Variants in DLG2 observed in about 807,000 individuals in gnomAD.
DLG2 encodes the protein discs large MAGUK scaffold protein 2.
DLG2 carries 45 observed loss-of-function variants against 132.5 expected under a neutral mutation model. That is an observed-to-expected ratio of 0.34 (90% CI 0.27 to 0.44). The LOEUF is 0.44. DLG2 is among the 20% of genes least tolerant of loss of function. The probability of loss-of-function intolerance (pLI) is 1.00; values close to 1 mark genes in which losing one functional copy is unlikely to be tolerated. For synonymous variants in DLG2, 424 were observed against 419.6 expected (o/e 1.01, Z -0.13); for missense variants, 1,045 against 1,196.9 (o/e 0.87, Z 1.87).
chr11:83,842,523 CAAAA>C (rs771360645), intron 16 of DLG2, among the ~76,000 whole-genome samples: 68 of 70,282 alleles, frequency 9.7e-4, no homozygotes, highest in Middle Eastern at 0.013. Context: ...GAACCTGTCT[CAAAA>C]AAAAAAAAAA....
intron 7 of DLG2, among the ~76,000 whole-genome samples, chr11:84,506,610 A>C (rs2099242113): frequency 6.6e-6 from 1 of 152,134 alleles, no homozygotes; most frequent in African/African-American, 2.4e-5. Flanking sequence ...AGATACCTTG[A>C]TTTTAGTCCA....
chr11:84,388,889 T>A (rs765980801), intron 7 of DLG2, among the ~76,000 whole-genome samples: 2 of 152,152 alleles, frequency 1.3e-5, no homozygotes, highest in Non-Finnish European at 2.9e-5. Flanking sequence ...ACATTGAAAT[T>A]CTTGGATGTC....
chr11:83,855,496 A>G (rs1169906418), intron 16 of DLG2, among the ~76,000 whole-genome samples: 1 of 152,224 alleles, frequency 6.6e-6, no homozygotes, highest in Non-Finnish European at 1.5e-5. Context: ...CATCACCAAA[A>G]AGAAATGAAC....
At chr11:84,850,973 T>G (rs188922661) in intron 6 of DLG2, among the ~76,000 whole-genome samples, 1 of 152,148 alleles carries the variant, frequency 6.6e-6, no homozygotes, top group Non-Finnish European at 1.5e-5. Context: ...TTCAAACTAA[T>G]CTACAAATTT....
chr11:85,105,124 T>G (rs1417593671), intron 6 of DLG2, among the ~76,000 whole-genome samples: 4 of 151,928 alleles, frequency 2.6e-5, no homozygotes, highest in Non-Finnish European at 5.9e-5. Context: ...CATCCTCCAT[T>G]TCTTTGCTCA....
rs573121592 is a variant in DLG2, at chr11:85,345,573, G to C, written c.41-60208C>G. Among the ~76,000 whole-genome samples the C allele has an allele frequency of 3.3e-5, 5 of 152,172 alleles. No individual in the cohort carries two copies. The South Asian group carries it at 1.0e-3, about 32-fold the overall frequency. On this transcript the variant is annotated intron_variant, in intron 3 of 27. Transcript: ENST00000376104. ...AGAAATGGAACCAGGATTCAAATTA[G>C]GTCTGTCTGGAAAGTCCATTATCCT...
intron 17 of DLG2, chr11:83,791,110 T>C (rs748775438): frequency 6.0e-6 from 4 of 671,546 alleles, no homozygotes; most frequent in Non-Finnish European, 1.1e-5. Flanking sequence ...TGGCCTTGAC[T>C]CTCACCTCCA....
At chr11:84,114,827 A>ATTT (rs11376031) in intron 9 of DLG2, among the ~76,000 whole-genome samples, 6 of 140,300 alleles carry the variant, frequency 4.3e-5, no homozygotes, top group South Asian at 2.3e-4. Context: ...AAGCCTGGCT[A>ATTT]TTTTTTTTTT....
At chr11:85,438,530 A>G (rs1462747197) in intron 3 of DLG2, among the ~76,000 whole-genome samples, 3 of 152,184 alleles carry the variant, frequency 2.0e-5, no homozygotes, top group Non-Finnish European at 4.4e-5. Flanking sequence ...CCAACCTATA[A>G]TATACAGAGA....
intron 6 of DLG2, among the ~76,000 whole-genome samples, chr11:84,722,902 G>C (rs1249931972): frequency 1.3e-5 from 2 of 152,098 alleles, no homozygotes; most frequent in African/African-American, 2.4e-5. Context: ...GGACTCAGGA[G>C]GTCTAATCTA....
At chr11:85,393,629 A>ATGTGTGTGTG (rs35765389) in intron 3 of DLG2, among the ~76,000 whole-genome samples, 94 of 143,816 alleles carry the variant, frequency 6.5e-4, no homozygotes, top group African/African-American at 2.2e-3. Context: ...TGGTATGCAT[A>ATGTGTGTGTG]TGTGTGTGTG....
chr11:85,247,110 C>T (rs1000297085), intron 4 of DLG2, among the ~76,000 whole-genome samples: 7 of 152,138 alleles, frequency 4.6e-5, no homozygotes, highest in Admixed American at 1.3e-4. Context: ...AGGAGTATTA[C>T]GTTGATCATA....
chr11:84,796,006 C>T (rs2074550201), intron 6 of DLG2, among the ~76,000 whole-genome samples: 1 of 152,216 alleles, frequency 6.6e-6, no homozygotes, highest in Admixed American at 6.5e-5. Context: ...CTGTGCCTGG[C>T]TCAACCTGGC....
At chr11:84,625,977 T>C (rs375491558) in intron 6 of DLG2, among the ~76,000 whole-genome samples, 1 of 152,234 alleles carries the variant, frequency 6.6e-6, no homozygotes, top group Non-Finnish European at 1.5e-5. Flanking sequence ...GCATAGAATG[T>C]ATTTTTCTTT....
intron 6 of DLG2, among the ~76,000 whole-genome samples, chr11:84,928,848 T>A (rs1360204373): frequency 6.6e-6 from 1 of 150,938 alleles, no homozygotes; most frequent in Non-Finnish European, 1.5e-5. Flanking sequence ...TACCTGGAAG[T>A]GTATAAAATA....
Position 84,237,065 on chromosome 11 carries a change from A to G in DLG2, c.573+14173T>C, listed in dbSNP as rs2097168051. On this transcript the variant is annotated intron_variant, in intron 8 of 27. Transcript: ENST00000376104. ...TGCCTCAGCCTCCTGAGTAGCTGAGACTACAGGCGCGTGCCACCACCCCCG... is the reference window on the plus strand; with the variant it reads ...TGCCTCAGCCTCCTGAGTAGCTGAGGCTACAGGCGCGTGCCACCACCCCCG... Among the ~76,000 whole-genome samples the G allele has an allele frequency of 2.6e-5, 4 of 152,012 alleles. 1 individual carries two copies. The South Asian group carries it at 8.3e-4, about 32-fold the overall frequency.
intron 6 of DLG2, among the ~76,000 whole-genome samples, chr11:84,543,281 A>G (rs2099382468): frequency 6.6e-6 from 1 of 152,010 alleles, no homozygotes; most frequent in Non-Finnish European, 1.5e-5. Context: ...CAGATAGGAG[A>G]AAAATGGGAG....
chr11:83,697,598 T>C (rs1221828076), intron 18 of DLG2, among the ~76,000 whole-genome samples: 1 of 152,194 alleles, frequency 6.6e-6, no homozygotes, highest in African/African-American at 2.4e-5. Context: ...GATCTGTTTC[T>C]AAACATGTAA....
At chr11:84,668,262 G>C (rs1331161449) in intron 6 of DLG2, among the ~76,000 whole-genome samples, 1 of 152,020 alleles carries the variant, frequency 6.6e-6, no homozygotes, top group Non-Finnish European at 1.5e-5. Flanking sequence ...CTACATTCTA[G>C]GGTGACTCTA....
Sources: allele counts gnomAD v4.1 joint callset (sites outside exome capture counted in the v4.1 genomes callset), GRCh38; gene constraint gnomAD v4.1.1; transcripts MANE v1.5; gene names NCBI Gene and HGNC (gene_info 2026-07-23, HGNC 2026-07-21).